PDS5B: variants seen among roughly 807,000 people sequenced by gnomAD.
The protein encoded by PDS5B is PDS5 cohesin associated factor B.
In PDS5B, 51 loss-of-function variants were observed where a neutral mutation model predicts 184.1. That is an observed-to-expected ratio of 0.28 (90% CI 0.22 to 0.35). PDS5B has a LOEUF of 0.35. Among genes scored for constraint, PDS5B ranks in the 10% least tolerant of loss-of-function variants. PDS5B has a pLI of 1.00. For synonymous variants in PDS5B, 566 were observed against 569.2 expected, an observed-to-expected ratio of 0.99 and a Z score of 0.08; for missense variants, 1,180 against 1,723.3, an observed-to-expected ratio of 0.68 and a Z score of 5.58.
At chr13:32,656,501 G>T (rs1213941965) in intron 3 of PDS5B, among the ~76,000 whole-genome samples, 3 of 151,044 alleles carry the variant, frequency 2.0e-5, no homozygotes, top group Admixed American at 2.0e-4. Flanking sequence ...TGTGTCATCT[G>T]TGGTTTCTTT....
chr13:32,635,817 GA>G (rs1252021144), intron 1 of PDS5B, among the ~76,000 whole-genome samples: 1 of 146,580 alleles, frequency 6.8e-6, no homozygotes, highest in Non-Finnish European at 1.5e-5. Context: ...GCCCAGGCTG[GA>G]AGTGCAGTGG....
intron 20 of PDS5B, among the ~76,000 whole-genome samples, chr13:32,734,918 C>T (rs536442719): frequency 6.6e-6 from 1 of 152,248 alleles, no homozygotes; most frequent in Non-Finnish European, 1.5e-5. Flanking sequence ...CTTTACCCTA[C>T]CTCTAAACTG....
At chr13:32,693,400 A>G (rs1026193920) in intron 13 of PDS5B, among the ~76,000 whole-genome samples, 1 of 151,942 alleles carries the variant, frequency 6.6e-6, no homozygotes, top group African/African-American at 2.4e-5. Flanking sequence ...GGCATTTTTC[A>G]AACATATTGT....
intron 27 of PDS5B, 147 bp from the exon 28 acceptor site, chr13:32,758,387 C>A: frequency 1.1e-6 from 1 of 926,896 alleles, no homozygotes; most frequent in Non-Finnish European, 1.6e-6. Flanking sequence ...TGAGCAAAAC[C>A]AGTAGTGTAA....
chr13:32,665,301 G>A (rs181211745), intron 6 of PDS5B, among the ~76,000 whole-genome samples: 5 of 151,990 alleles, frequency 3.3e-5, no homozygotes, highest in East Asian at 1.9e-4. Flanking sequence ...GAAAATAAAC[G>A]TCTTTGGGGG....
At chr13:32,735,851 C>T (rs1015598210) in intron 21 of PDS5B, among the ~76,000 whole-genome samples, 2 of 152,068 alleles carry the variant, frequency 1.3e-5, no homozygotes, top group Non-Finnish European at 2.9e-5. Flanking sequence ...AAAGTTTTTC[C>T]TCCAAAAAGT....
chr13:32,717,293 T>G (rs1952488046), intron 19 of PDS5B, among the ~76,000 whole-genome samples: 1 of 151,292 alleles, frequency 6.6e-6, no homozygotes, highest in South Asian at 2.1e-4. Flanking sequence ...ATGGTTGCCG[T>G]GTCTGTGTAG....
At chr13:32,669,585 A>C (rs1950882451) in intron 7 of PDS5B, among the ~76,000 whole-genome samples, 1 of 152,198 alleles carries the variant, frequency 6.6e-6, no homozygotes, top group Admixed American at 6.5e-5. Flanking sequence ...GAATACATCA[A>C]GGTAAAAACA....
At chr13:32,757,272 T>TA (rs757250845) in intron 26 of PDS5B, among the ~76,000 whole-genome samples, 15 of 152,204 alleles carry the variant, frequency 9.9e-5, no homozygotes, top group Non-Finnish European at 1.8e-4. Flanking sequence ...ACTAGACACT[T>TA]ACGGTTATAT....
chr13:32,716,841 T>TG (rs572137924), intron 19 of PDS5B, among the ~76,000 whole-genome samples: 17,349 of 82,100 alleles, frequency 0.21, 2,864 homozygotes, highest in Non-Finnish European at 0.28. Flanking sequence ...GGGAGGGAGG[T>TG]TGGGGGGTCA....
chr13:32,609,584 A>G (rs1033432713), intron 1 of PDS5B, among the ~76,000 whole-genome samples: 2 of 152,142 alleles, frequency 1.3e-5, no homozygotes, highest in Admixed American at 6.5e-5. Flanking sequence ...TCTTGCCTGG[A>G]TTGTTTCCAC....
At chr13:32,722,807 A>G (rs552295521) in intron 19 of PDS5B, among the ~76,000 whole-genome samples, 3 of 152,356 alleles carry the variant, frequency 2.0e-5, no homozygotes, top group Non-Finnish European at 2.9e-5. Flanking sequence ...GAGCCCTGTC[A>G]GTATCACCCA....
At chr13:32,761,111 T>C (rs2052432469) in intron 30 of PDS5B, among the ~76,000 whole-genome samples, 1 of 152,222 alleles carries the variant, frequency 6.6e-6, no homozygotes, top group Non-Finnish European at 1.5e-5. Flanking sequence ...AGGCAAAGTA[T>C]ATAAAGCAGC....
chr13:32,740,740 GT>G (rs528174257), intron 21 of PDS5B, among the ~76,000 whole-genome samples: 1 of 151,226 alleles, frequency 6.6e-6, no homozygotes, highest in Non-Finnish European at 1.5e-5. Context: ...TTGGCTCCAT[GT>G]TTTTTTAAAA....
At chr13:32,735,535 C>T (rs1397670434) in intron 21 of PDS5B, among the ~76,000 whole-genome samples, 2 of 152,088 alleles carry the variant, frequency 1.3e-5, no homozygotes, top group Non-Finnish European at 2.9e-5. Context: ...AGGCATATGA[C>T]CTCAAATACA....
intron 1 of PDS5B, among the ~76,000 whole-genome samples, chr13:32,613,167 T>G (rs1029681778): frequency 1.3e-5 from 2 of 152,236 alleles, no homozygotes; most frequent in Non-Finnish European, 2.9e-5. Flanking sequence ...TTATTTCCAT[T>G]TTTCAGCTAT....
rs1486858499 is a variant in PDS5B, at chr13:32,687,168, C to T, written c.1238C>T (p.Ala413Val). Residue 413 changes from alanine (A) to valine (V), a missense_variant, in exon 12 of 35, where the codon GCC (alanine) becomes GTC (valine). Ala to Val is a moderately conservative substitution (Grantham distance 64, BLOSUM62 0). Coordinates refer to ENST00000315596, the MANE Select transcript of PDS5B (RefSeq NM_015032.4). ...CGCAAAGAAGCCATGATGGGACTTG[C>T]CCAAATTTATAAGAAATATGCTTTA... The part of the protein sequence containing the change: ...RVRKEAMMGL[A>V]QIYKKYALQS... The T allele has an allele frequency of 6.2e-7, 1 of 1,605,692 alleles. No individual in the cohort carries two copies. Among genetic ancestry groups the T allele is most frequent in the South Asian group, 1.1e-5 (1 of 88,838 alleles).
chr13:32,624,446 A>C (rs774818008), intron 1 of PDS5B, among the ~76,000 whole-genome samples: 13 of 152,220 alleles, frequency 8.5e-5, no homozygotes, highest in Non-Finnish European at 1.9e-4. Flanking sequence ...ATCAACAGTT[A>C]CTTTTCATTA....
intron 21 of PDS5B, among the ~76,000 whole-genome samples, chr13:32,740,256 T>C (rs1315163542): frequency 6.6e-6 from 1 of 152,194 alleles, no homozygotes; most frequent in Non-Finnish European, 1.5e-5. Context: ...TTTTTGGTAG[T>C]TTCTTTATGG....
Sources: allele counts gnomAD v4.1 joint callset (sites outside exome capture counted in the v4.1 genomes callset), GRCh38; gene constraint gnomAD v4.1.1; transcripts MANE v1.5; gene names NCBI Gene and HGNC (gene_info 2026-07-23, HGNC 2026-07-21).